Variants in CORO7 observed in about 807,000 individuals in gnomAD.
CORO7 encodes the protein coronin 7.
In CORO7, 107 loss-of-function variants were observed where a neutral mutation model predicts 126.6. The ratio of observed to expected loss-of-function variants is 0.85; its 90% CI spans 0.72 to 0.99. The LOEUF (loss-of-function observed/expected upper bound fraction) is 0.99, where lower values mean the gene tolerates loss of function less well. Among genes scored for constraint, CORO7 ranks in the 50% least tolerant of loss-of-function variants. The probability of loss-of-function intolerance (pLI) is 0.00; values close to 1 mark genes in which losing one functional copy is unlikely to be tolerated. For synonymous variants in CORO7, 603 were observed against 536.8 expected (o/e 1.12, Z -1.70); for missense variants, 1,314 against 1,255.8 (o/e 1.05, Z -0.70).
At chr16:4,364,576 G>C in intron 13 of CORO7, 21 bp downstream of exon 13, 1 of 1,547,574 alleles carries the variant, frequency 6.5e-7, no homozygotes, top group East Asian at 2.4e-5. Flanking sequence ...GCTGGGAGAG[G>C]TGAGCCAGCC....
At chr16:4,368,695 C>T (rs1046750037) in intron 9 of CORO7, among the ~76,000 whole-genome samples, 2 of 148,830 alleles carry the variant, frequency 1.3e-5, no homozygotes, top group Admixed American at 6.9e-5. Flanking sequence ...TTGCAGTGGG[C>T]CAAGATTGCA....
At position 4,380,394 on chromosome 16, in the gene CORO7, C is replaced by A. The variant is rs549444234; in HGVS notation, c.785+7592G>T. Among the ~76,000 whole-genome samples, 7 of 152,366 alleles carry A rather than the reference C, an allele frequency of 4.6e-5. No homozygotes were observed. The East Asian group carries it at 1.2e-3, about 25-fold the overall frequency. Reference sequence around the variant, plus strand: ...GCTGCATTCCCTCCTCCAAGGAGGGCGGGACACGGAGCGTGGCAGCAGGAG... The same window carrying A: ...GCTGCATTCCCTCCTCCAAGGAGGGAGGGACACGGAGCGTGGCAGCAGGAG... On this transcript the variant is annotated intron_variant, in intron 9 of 27. Transcript: ENST00000251166.
At chr16:4,376,095 T>C (rs2054718882) in intron 9 of CORO7, among the ~76,000 whole-genome samples, 1 of 152,128 alleles carries the variant, frequency 6.6e-6, no homozygotes, top group Non-Finnish European at 1.5e-5. Context: ...CCCGCGCCTA[T>C]AGGGAGGGTC....
intron 4 of CORO7, 145 bp downstream of exon 4, chr16:4,408,036 A>C: frequency 7.8e-7 from 1 of 1,276,224 alleles, no homozygotes; most frequent in Admixed American, 2.1e-5. Flanking sequence ...TGGGACCAGG[A>C]ATTCAGACCA....
intron 1 of CORO7, chr16:4,416,046 A>C: frequency 7.2e-6 from 2 of 278,706 alleles, no homozygotes; most frequent in Non-Finnish European, 1.1e-5. Context: ...CAGCCCAGCC[A>C]GGGGCAGGGG....
Position 4,359,566 on chromosome 16 carries a change from A to G in CORO7, c.2164T>C (p.Leu722=). Residue 722 remains leucine, a synonymous_variant, in exon 22 of 28, where the codon TTG becomes CTG. Transcript: ENST00000251166. The part of the protein sequence containing the change: ...YEAEALAGGP[L]AVLGLDVAPS... ...GCCACGTCCAGGCCCAACACTGCCA[A>G]GGGTCCGCCGGCCAGGGCCTCAGCT... The G allele has an allele frequency of 6.2e-7, 1 of 1,612,552 alleles. No homozygotes were observed. Among genetic ancestry groups the G allele is most frequent in the Non-Finnish European group, 8.5e-7 (1 of 1,179,392 alleles).
At chr16:4,357,476 C>T (rs2054014882) in intron 25 of CORO7, 2 of 510,012 alleles carry the variant, frequency 3.9e-6, no homozygotes, top group East Asian at 3.8e-5. Context: ...TCTCCTGCTT[C>T]AGCCTCTGGA....
chr16:4,416,564 C>T lies in CORO7; in HGVS notation c.-46G>A. 1 of 1,569,824 alleles carries T rather than the reference C, an allele frequency of 6.4e-7. No individual in the cohort carries two copies. The highest frequency in any genetic ancestry group is 8.6e-7 in the Non-Finnish European group (1 of 1,161,934). ...ACGCGTCTTCGAGGACCCCGGGCGTCGGGTCTCAGGTGCACGCTGAGCAAC... is the reference window on the plus strand; with the variant it reads ...ACGCGTCTTCGAGGACCCCGGGCGTTGGGTCTCAGGTGCACGCTGAGCAAC... On this transcript the variant is annotated 5_prime_UTR_variant, in exon 1 of 28. Transcript: ENST00000251166.
At chr16:4,365,158 C>T (rs1356507784) in intron 10 of CORO7, 98 bp from the exon 11 acceptor site, 57 of 1,503,162 alleles carry the variant, frequency 3.8e-5, no homozygotes, top group Non-Finnish European at 2.3e-5. Context: ...AGGACCTGAG[C>T]CACAGAACCA....
intron 9 of CORO7, among the ~76,000 whole-genome samples, chr16:4,368,342 A>G (rs1214680307): frequency 3.9e-5 from 6 of 151,974 alleles, no homozygotes; most frequent in Non-Finnish European, 4.4e-5. Flanking sequence ...GTGAGACTCC[A>G]TCTCAAAAAA....
chr16:4,413,046 G>A (rs1030953604), intron 2 of CORO7: 15 of 402,670 alleles, frequency 3.7e-5, no homozygotes, highest in Admixed American at 8.3e-5. Flanking sequence ...AAATACAAGC[G>A]TCAGTCCCCT....
intron 3 of CORO7, among the ~76,000 whole-genome samples, chr16:4,409,111 G>A (rs548553794): frequency 1.3e-5 from 2 of 152,210 alleles, no homozygotes; most frequent in Admixed American, 1.3e-4. Context: ...GGGTTTCGGG[G>A]TGTGAACAGG....
chr16:4,388,416 C>A, intron 8 of CORO7, 129 bp downstream of exon 8: 2 of 1,044,848 alleles, frequency 1.9e-6, no homozygotes, highest in Non-Finnish European at 2.8e-6. Flanking sequence ...GGCAGCACAG[C>A]CAGGCCGTAT....
chr16:4,392,248 G>GT (rs1225890023), intron 7 of CORO7, among the ~76,000 whole-genome samples: 3 of 152,194 alleles, frequency 2.0e-5, no homozygotes, highest in Admixed American at 2.0e-4. Flanking sequence ...TGGGCCGGTT[G>GT]TAAAGGGAAG....
chr16:4,365,901 C>A (rs1176516984), intron 9 of CORO7, among the ~76,000 whole-genome samples: 1 of 152,210 alleles, frequency 6.6e-6, no homozygotes, highest in African/African-American at 2.4e-5. Context: ...ATCAGGCCAG[C>A]ATTGCCAGGG....
At chr16:4,383,026 C>A in intron 9 of CORO7, 1 of 1,061,972 alleles carries the variant, frequency 9.4e-7, no homozygotes, top group Non-Finnish European at 1.3e-6. Context: ...GGCTGTGTGA[C>A]CACAGCTGGG....
chr16:4,373,505 G>A (rs2054606208), intron 9 of CORO7, among the ~76,000 whole-genome samples: 1 of 152,144 alleles, frequency 6.6e-6, no homozygotes, highest in South Asian at 2.1e-4. Flanking sequence ...GGGAGAATGG[G>A]ATTCAGCATA....
In CORO7 at chr16:4,361,976, G is replaced by A; in HGVS notation, c.1578+9C>T. On this transcript the variant is annotated intron_variant, in intron 16 of 27. Coordinates refer to ENST00000251166, the MANE Select transcript of CORO7 (RefSeq NM_024535.5). ...CTGAGGGGCAGCCCTGGTGGGGTGG[G>A]GCCCTCACCTCAAGCACAGCCACCT... 6.3e-7 allele frequency: 1 copy of A among 1,596,486 alleles called. No individual in the cohort carries two copies. The highest frequency in any genetic ancestry group is 8.5e-7 in the Non-Finnish European group (1 of 1,172,278).
Position 4,383,152 on chromosome 16 carries a change from CA to C in CORO7, c.785+4833del, listed in dbSNP as rs1177718065. 17 of 475,946 alleles carry C rather than the reference CA, an allele frequency of 3.6e-5. 1 individual carries two copies. The East Asian group carries it at 5.2e-4, about 14-fold the overall frequency. 29.5% of individuals were successfully genotyped at this position (475,946 alleles called of 1,614,324 possible). On this transcript the variant is annotated intron_variant, in intron 9 of 27. Coordinates refer to ENST00000251166, the MANE Select transcript of CORO7 (RefSeq NM_024535.5). Reference sequence around the variant, plus strand: ...AGGACAGTGTCCGCCCTGCCCTCCGCAACGTGCAGTCCCTGGGCACGGCGGG... The same window carrying C: ...AGGACAGTGTCCGCCCTGCCCTCCGCACGTGCAGTCCCTGGGCACGGCGGG...
Sources: gnomAD v4.1 joint callset for allele counts (sites outside exome capture counted in the v4.1 genomes callset) on GRCh38, gnomAD v4.1.1 for gene constraint, MANE v1.5 for transcripts, NCBI Gene and HGNC (gene_info 2026-07-23, HGNC 2026-07-21) for gene names.